The following CHD1L variants were observed in gnomAD, a reference collection of about 807,000 sequenced individuals.
The protein encoded by CHD1L is ATP-dependent chromatin remodeler CHD1L.
Under a neutral mutation model 115.9 loss-of-function variants are expected in CHD1L, and 118 were observed. The ratio of observed to expected loss-of-function variants is 1.02; its 90% CI spans 0.88 to 1.19. The LOEUF (loss-of-function observed/expected upper bound fraction) is 1.19. CHD1L is among the 50% of genes most tolerant of loss of function. The probability of loss-of-function intolerance (pLI) is 0.00; values close to 1 mark genes in which losing one functional copy is unlikely to be tolerated. For synonymous variants in CHD1L, 411 were observed against 387.1 expected, an observed-to-expected ratio of 1.06 and a Z score of -0.72; for missense variants, 1,179 against 1,065.3, an observed-to-expected ratio of 1.11 and a Z score of -1.49.
chr1:147,272,144 T>C, intron 11 of CHD1L, 27 bp from the exon 12 acceptor site: 1 of 1,579,966 alleles, frequency 6.3e-7, no homozygotes, highest in Non-Finnish European at 8.6e-7. Flanking sequence ...AGGGTTAAGA[T>C]TTCTGTTTTT....
intron 6 of CHD1L, among the ~76,000 whole-genome samples, chr1:147,264,214 C>G (rs1367390498): frequency 6.6e-6 from 1 of 152,042 alleles, no homozygotes; most frequent in African/African-American, 2.4e-5. Flanking sequence ...GATTATTGTC[C>G]CCTTCTTATA....
the CHD1L span, chr1:147,212,377 A>G: frequency 6.2e-7 from 1 of 1,613,560 alleles, no homozygotes; most frequent in Non-Finnish European, 8.5e-7. Flanking sequence ...GTAAATAATA[A>G]TTGAGTGATT....
the CHD1L span, chr1:147,178,110 C>T: frequency 3.2e-6 from 5 of 1,571,972 alleles, no homozygotes; most frequent in Non-Finnish European, 4.3e-6. Context: ...CCCACCTCGC[C>T]GCCATGTGCC....
intron 4 of CHD1L, 49 bp downstream of exon 4, chr1:147,255,976 A>G: frequency 2.3e-6 from 3 of 1,297,458 alleles, no homozygotes; most frequent in Non-Finnish European, 3.3e-6. Context: ...GTGACCTTAG[A>G]AGTTGTAGAG....
chr1:147,289,835 A>G (rs1553968849), intron 19 of CHD1L, among the ~76,000 whole-genome samples: 1 of 152,200 alleles, frequency 6.6e-6, no homozygotes, highest in Non-Finnish European at 1.5e-5. Flanking sequence ...TTTAGGCAGA[A>G]GAATAGAGGA....
At chr1:147,195,653 A>G in the CHD1L span, among the ~76,000 whole-genome samples, 1 of 152,198 alleles carries the variant, frequency 6.6e-6, no homozygotes, top group Non-Finnish European at 1.5e-5. Context: ...TTAAGCCAGT[A>G]TGAACAATGC....
the CHD1L span, among the ~76,000 whole-genome samples, chr1:147,191,652 G>T: frequency 6.8e-6 from 1 of 147,476 alleles, no homozygotes; most frequent in Non-Finnish European, 1.5e-5. Context: ...CACTCTGATG[G>T]TAGTTTCTTT....
chr1:147,178,108 G>A, the CHD1L span: 5 of 1,565,998 alleles, frequency 3.2e-6, no homozygotes, highest in Non-Finnish European at 4.3e-6. Context: ...ACCCCACCTC[G>A]CCGCCATGTG....
chr1:147,207,684 G>A, the CHD1L span, among the ~76,000 whole-genome samples: 1 of 152,162 alleles, frequency 6.6e-6, no homozygotes, highest in African/African-American at 2.4e-5. Context: ...CTCCATCTTA[G>A]AAGTTAATCT....
the CHD1L span, chr1:147,208,518 C>T: frequency 5.5e-6 from 1 of 181,538 alleles, no homozygotes; most frequent in African/African-American, 2.4e-5. Context: ...CAGCTCACTG[C>T]AACCTCTGCC....
At chr1:147,283,718 G>A (rs1349773703) in intron 15 of CHD1L, among the ~76,000 whole-genome samples, 1 of 152,262 alleles carries the variant, frequency 6.6e-6, no homozygotes, top group East Asian at 1.9e-4. Context: ...CCCTTCTAGA[G>A]ACCCAATTAT....
chr1:147,178,158 T>G, the CHD1L span: 1 of 1,609,542 alleles, frequency 6.2e-7, no homozygotes. Context: ...TGGCGCTGCT[T>G]CTCGCCGCGG....
chr1:147,209,110 AC>A, the CHD1L span: 1 of 1,459,622 alleles, frequency 6.9e-7, no homozygotes. Context: ...CTTCAAAAGC[AC>A]CCCCATTTTC....
rs1189401446 is a variant in CHD1L, at chr1:147,261,354, C to T, written c.576+1436C>T. On this transcript the variant is annotated intron_variant, in intron 6 of 22. Transcript: ENST00000369258. Reference sequence around the variant, plus strand: ...GCATCCTCACATGACAGAAGGTGGACGGGCAAGAGGGAGCAGAAGAGCAAG... The same window carrying T: ...GCATCCTCACATGACAGAAGGTGGATGGGCAAGAGGGAGCAGAAGAGCAAG... Among the ~76,000 whole-genome samples, 5 of 150,502 alleles carry T rather than the reference C, an allele frequency of 3.3e-5. 1 individual carries two copies. The South Asian group carries it at 6.3e-4, about 19-fold the overall frequency.
Position 147,287,708 on chromosome 1 carries a change from A to T in CHD1L, c.2295A>T (p.Ile765=). The T allele has an allele frequency of 3.1e-6, 5 of 1,614,072 alleles. No homozygotes were observed. Among genetic ancestry groups the T allele is most frequent in the Non-Finnish European group, 4.2e-6 (5 of 1,180,006 alleles). Residue 765 remains isoleucine, a synonymous_variant, in exon 19 of 23, where the codon ATA becomes ATT. Transcript: ENST00000369258. ...LEKRSAEPRK[I]YELAGKMKDL... The stretch of plus-strand genomic sequence containing the variant: ...AGCGATCCGCTGAGCCAAGAAAAAT[A>T]TATGAGCTGGCTGGGAAAATGAAAG...
chr1:147,288,938 T>C (rs1291683530), intron 19 of CHD1L, among the ~76,000 whole-genome samples: 3 of 152,138 alleles, frequency 2.0e-5, no homozygotes, highest in African/African-American at 7.2e-5. Flanking sequence ...AAAATTATTA[T>C]TGTGGTGATT....
At chr1:147,178,099 C>T in the CHD1L span, 16 of 1,537,524 alleles carry the variant, frequency 1.0e-5, no homozygotes, top group Admixed American at 1.9e-5. Flanking sequence ...GCTGCCCCCA[C>T]CCCACCTCGC....
chr1:147,273,797 C>T (rs1677213032), intron 12 of CHD1L, among the ~76,000 whole-genome samples: 1 of 152,224 alleles, frequency 6.6e-6, no homozygotes, highest in East Asian at 1.9e-4. Context: ...CTTCTCCAAA[C>T]ACTGTTGTGT....
the CHD1L span, among the ~76,000 whole-genome samples, chr1:147,190,726 A>C: frequency 6.6e-6 from 1 of 152,076 alleles, no homozygotes; most frequent in Non-Finnish European, 1.5e-5. Flanking sequence ...GTACATGTGC[A>C]CAATGTGCAG....
Sources: gnomAD v4.1 joint callset for allele counts (sites outside exome capture counted in the v4.1 genomes callset) on GRCh38, gnomAD v4.1.1 for gene constraint, MANE v1.5 for transcripts, NCBI Gene and HGNC (gene_info 2026-07-23, HGNC 2026-07-21) for gene names.